EVC: variants seen among roughly 807,000 people sequenced by gnomAD.
The protein encoded by EVC is EvC ciliary complex subunit 1, also known as evC complex member EVC.
In EVC, 116 loss-of-function variants were observed where a neutral mutation model predicts 118.9. That is an observed-to-expected ratio of 0.98 (90% CI 0.84 to 1.14). The LOEUF (loss-of-function observed/expected upper bound fraction) is 1.14, where lower values mean the gene tolerates loss of function less well. Ranked by LOEUF, EVC falls within the 50% of genes most tolerant of loss-of-function variation. The probability of loss-of-function intolerance (pLI) is 0.00; values close to 1 mark genes in which losing one functional copy is unlikely to be tolerated. For missense variants in EVC, 1,401 were observed against 1,246.4 expected, an observed-to-expected ratio of 1.12 and a Z score of -1.87; for synonymous variants, 619 against 534.7, an observed-to-expected ratio of 1.16 and a Z score of -2.18.
chr4:5,766,276 G>A (rs1382262312), intron 11 of EVC, among the ~76,000 whole-genome samples: 1 of 148,766 alleles, frequency 6.7e-6, no homozygotes, highest in Non-Finnish European at 1.5e-5. Flanking sequence ...GCGATCAGCT[G>A]TTAGTCTGAT....
intron 12 of EVC, among the ~76,000 whole-genome samples, chr4:5,785,108 G>C (rs572027103): frequency 2.5e-4 from 38 of 152,262 alleles, no homozygotes; most frequent in African/African-American, 9.1e-4. Flanking sequence ...TTGAAACAAA[G>C]CAAAGGGCTT....
the EVC span, chr4:5,824,450 T>C: frequency 4.1e-6 from 4 of 985,358 alleles, no homozygotes; most frequent in Non-Finnish European, 4.8e-6. Flanking sequence ...GATAAGAGGT[T>C]CTGCCACCAC....
In EVC at chr4:5,731,627, A is replaced by T. The variant is rs1390544058; in HGVS notation, c.587A>T (p.Asn196Ile). ...RFLSRTFLRVNAFPEVLACES... is the reference protein window; with the variant it reads ...RFLSRTFLRVIAFPEVLACES... ...CTCAGCCGCACCTTCCTCCGGGTGA[A>T]CGCCTTCCCTGAAGTGCTGGCCTGC... Residue 196 changes from asparagine to isoleucine, a missense_variant, in exon 4 of 21, where the codon AAC becomes ATC. Physicochemically the swap from Asn to Ile is moderately radical, Grantham distance 149. Coordinates refer to ENST00000264956, the MANE Select transcript of EVC (RefSeq NM_153717.3). The surrounding 1 kb of genome is among the most constrained non-coding windows in gnomAD (Gnocchi z 5.6). 1.2e-6 allele frequency: 2 copies of T among 1,614,082 alleles called. No homozygotes were observed. Among genetic ancestry groups the T allele is most frequent in the Non-Finnish European group, 1.7e-6 (2 of 1,180,008 alleles).
chr4:5,761,770 A>G (rs998093669), intron 11 of EVC, among the ~76,000 whole-genome samples: 13 of 151,814 alleles, frequency 8.6e-5, no homozygotes, highest in African/African-American at 2.7e-4. Flanking sequence ...TTGGCTAGCA[A>G]GGGAAGGGGT....
rs951014992 is a variant in EVC, at chr4:5,738,398, T to C, written c.703-3318T>C. 3.3e-5 allele frequency among the ~76,000 whole-genome samples: 5 copies of C among 152,188 alleles called. No individual in the cohort carries two copies. The highest frequency in any genetic ancestry group is 6.5e-5 in the Admixed American group (1 of 15,280). On this transcript the variant is annotated intron_variant, in intron 5 of 20. Transcript: ENST00000264956. This position sits in a 1 kb window ranked among gnomAD's most constrained non-coding sequence, Gnocchi z 6.5. ...AGAGGATTGACTCCAAGTTTTAAAG[T>C]TCTACTGTGGGCAAATTGCTATCGA...
intron 1 of EVC, among the ~76,000 whole-genome samples, chr4:5,715,105 C>T (rs1291634506): frequency 1.3e-5 from 2 of 152,158 alleles, no homozygotes; most frequent in African/African-American, 4.8e-5. Flanking sequence ...TGAGCCACCA[C>T]ATCTGGCCTT....
intron 2 of EVC, among the ~76,000 whole-genome samples, chr4:5,726,626 T>C (rs1725868551): frequency 6.7e-6 from 1 of 149,148 alleles, no homozygotes; most frequent in East Asian, 2.0e-4. Context: ...ATTGTGCAGG[T>C]TAGTTACATA....
At chr4:5,803,182 C>A (rs1007414291) in intron 16 of EVC, among the ~76,000 whole-genome samples, 1 of 152,242 alleles carries the variant, frequency 6.6e-6, no homozygotes, top group Non-Finnish European at 1.5e-5. Flanking sequence ...ACAACACCCT[C>A]CCCTGAATCC....
intron 13 of EVC, among the ~76,000 whole-genome samples, chr4:5,794,325 T>TTATATATATTTATATATATTTA (rs1553890310): frequency 7.4e-6 from 1 of 135,262 alleles, no homozygotes; most frequent in South Asian, 2.2e-4. Context: ...TTATATATAT[T>TTATATATATTTATATATATTTA]TATATATATT....
At chr4:5,817,138 G>A (rs1032112932), downstream of EVC, among the ~76,000 whole-genome samples, 2 of 152,238 alleles carry the variant, frequency 1.3e-5, no homozygotes, top group Non-Finnish European at 2.9e-5. Flanking sequence ...GTGAACGTTG[G>A]GATACGGAGT....
chr4:5,780,925 G>T (rs1032772116), intron 11 of EVC, among the ~76,000 whole-genome samples: 7 of 152,236 alleles, frequency 4.6e-5, no homozygotes, highest in African/African-American at 1.4e-4. Context: ...TCTCCCCATG[G>T]AGTCACACAG....
the EVC span, chr4:5,825,644 C>T: frequency 1.2e-6 from 2 of 1,612,142 alleles, no homozygotes; most frequent in South Asian, 2.2e-5. The surrounding 1 kb of genome is among the most constrained non-coding windows in gnomAD (Gnocchi z 4.4). Context: ...CTGGAAACCC[C>T]TTGCAATCCA....
chr4:5,816,576 T>C (rs1295260120), downstream of EVC, among the ~76,000 whole-genome samples: 2 of 145,460 alleles, frequency 1.4e-5, no homozygotes, highest in Non-Finnish European at 3.0e-5. Context: ...CTTCACTCCC[T>C]TCCTCCCCTC....
chr4:5,749,735 G>C lies in EVC; in HGVS notation c.1098+1429G>C, dbSNP rs751942429. On this transcript the variant is annotated intron_variant, in intron 8 of 20. Transcript: ENST00000264956. The surrounding 1 kb of genome is among the most constrained non-coding windows in gnomAD (Gnocchi z 4.4). ...ACCCATTTCCCCGTCCTGTGCACCA[G>C]CCCGTGTGGCAGCTCGGCTCAGAAC... Among the ~76,000 whole-genome samples the C allele has an allele frequency of 2.0e-5, 3 of 152,102 alleles. No homozygotes were observed. The highest frequency in any genetic ancestry group is 6.5e-5 in the Admixed American group (1 of 15,278).
intron 11 of EVC, among the ~76,000 whole-genome samples, chr4:5,757,563 T>C (rs1473679694): frequency 6.6e-6 from 1 of 152,242 alleles, no homozygotes; most frequent in Non-Finnish European, 1.5e-5. Context: ...GATTGACTTC[T>C]GGTGAGGCCT....
At chr4:5,732,824 A>G (rs867512978) in intron 4 of EVC, among the ~76,000 whole-genome samples, 1 of 152,110 alleles carries the variant, frequency 6.6e-6, no homozygotes. Context: ...AGCCCAGGCA[A>G]CATAGTGAGA....
intron 11 of EVC, among the ~76,000 whole-genome samples, chr4:5,779,273 G>A (rs1293229462): frequency 3.6e-4 from 55 of 151,594 alleles, no homozygotes; most frequent in Admixed American, 3.0e-3. Context: ...GTCAGGTAGC[G>A]TGATGCCTCC....
In EVC at chr4:5,752,877, AG is replaced by A; in HGVS notation, c.1141del (p.Val381Ter). 1 of 1,614,190 alleles carries A rather than the reference AG, an allele frequency of 6.2e-7. No individual in the cohort carries two copies. The highest frequency in any genetic ancestry group is 2.2e-5 in the East Asian group (1 of 44,866). On this transcript the variant is annotated frameshift_variant, in exon 9 of 21. Coordinates refer to ENST00000264956, the MANE Select transcript of EVC (RefSeq NM_153717.3). LOFTEE classifies it high-confidence loss of function. ...RTMGRAHMAK[V>X]IEFLKLQVQE... ...CGATGGGGCGGGCGCACATGGCAAAAGTGATTGAGTTTCTGAAGCTGCAAGT... is the reference window on the plus strand; with the variant it reads ...CGATGGGGCGGGCGCACATGGCAAAATGATTGAGTTTCTGAAGCTGCAAGT...
chr4:5,723,024 A>C (rs1416263634), intron 2 of EVC, among the ~76,000 whole-genome samples: 1 of 152,120 alleles, frequency 6.6e-6, no homozygotes, highest in Non-Finnish European at 1.5e-5. Context: ...AGAGACCATG[A>C]CCGTCCTTGG....
Sources: gnomAD v4.1 joint callset for allele counts (sites outside exome capture counted in the v4.1 genomes callset) on GRCh38, gnomAD v4.1.1 for gene constraint, Gnocchi (gnomAD v3.1) non-coding constraint, MANE v1.5 for transcripts, NCBI Gene and HGNC (gene_info 2026-07-23, HGNC 2026-07-21) for gene names.